Variants in NRG1 observed in about 807,000 individuals in gnomAD.
NRG1 encodes the protein pro-neuregulin-1, membrane-bound isoform.
In NRG1, 18 loss-of-function variants were observed where a neutral mutation model predicts 63.8. The ratio of observed to expected loss-of-function variants is 0.28; its 90% CI spans 0.19 to 0.42. The LOEUF is 0.42. Ranked by LOEUF, NRG1 falls within the 10% of genes least tolerant of loss-of-function variation. NRG1 has a pLI of 1.00. For synonymous variants in NRG1, 302 were observed against 301.3 expected, an observed-to-expected ratio of 1.00 and a Z score of -0.02; for missense variants, 762 against 814.7, an observed-to-expected ratio of 0.94 and a Z score of 0.79.
At chr8:31,815,339 C>T (rs147018848) in intron 1 of NRG1, among the ~76,000 whole-genome samples, 1 of 152,146 alleles carries the variant, frequency 6.6e-6, no homozygotes, top group African/African-American at 2.4e-5. Context: ...CGGTATCATG[C>T]AGTGGTATCT....
At chr8:32,364,719 A>G (rs979777128) in intron 1 of NRG1, among the ~76,000 whole-genome samples, 1 of 152,108 alleles carries the variant, frequency 6.6e-6, no homozygotes, top group Non-Finnish European at 1.5e-5. Context: ...GTCTAAGTCC[A>G]CATTTTAAGT....
At chr8:32,524,601 T>C (rs571568244) in intron 1 of NRG1, among the ~76,000 whole-genome samples, 6 of 152,244 alleles carry the variant, frequency 3.9e-5, no homozygotes, top group African/African-American at 1.4e-4. Context: ...CCTGTTTCAG[T>C]ATCATGGGTC....
At chr8:32,152,547 T>C (rs1837620491) in intron 1 of NRG1, among the ~76,000 whole-genome samples, 3 of 152,214 alleles carry the variant, frequency 2.0e-5, no homozygotes, top group Admixed American at 2.0e-4. Context: ...TACTTTTAAA[T>C]AGTAAATGCC....
At chr8:31,912,142 A>G (rs1055082287) in intron 1 of NRG1, among the ~76,000 whole-genome samples, 2 of 152,208 alleles carry the variant, frequency 1.3e-5, no homozygotes, top group Admixed American at 1.3e-4. Flanking sequence ...TAATATTAGC[A>G]TATTGGGAGT....
chr8:31,660,578 A>T (rs7000831), intron 1 of NRG1, among the ~76,000 whole-genome samples: 22,415 of 152,244 alleles, frequency 0.15, 1,802 homozygotes, highest in Admixed American at 0.21. Flanking sequence ...ATCTTTGGGT[A>T]ACTTCTGTAC....
At chr8:31,950,352 T>C (rs1803272228) in intron 1 of NRG1, among the ~76,000 whole-genome samples, 1 of 152,230 alleles carries the variant, frequency 6.6e-6, no homozygotes. Context: ...CTGTGAAGTC[T>C]TTTGGAGACA....
chr8:31,996,685 A>C (rs1420515738), intron 1 of NRG1, among the ~76,000 whole-genome samples: 1 of 152,022 alleles, frequency 6.6e-6, no homozygotes, highest in Admixed American at 6.6e-5. Flanking sequence ...GTCTTCCAGC[A>C]CCTGAAAGAC....
At chr8:31,771,823 A>G (rs1267898394) in intron 1 of NRG1, among the ~76,000 whole-genome samples, 1 of 152,190 alleles carries the variant, frequency 6.6e-6, no homozygotes, top group African/African-American at 2.4e-5. Flanking sequence ...ACTTTCTTCT[A>G]TACTTGGCTT....
chr8:31,947,023 G>A (rs183666473), intron 1 of NRG1, among the ~76,000 whole-genome samples: 5 of 152,294 alleles, frequency 3.3e-5, no homozygotes, highest in Admixed American at 2.0e-4. Flanking sequence ...GGATATGGCC[G>A]GGCGCGGTGG....
rs201221082 is a variant in NRG1 at position 31,880,836 on chromosome 8, G to C, written c.37+241405G>C. Among the ~76,000 whole-genome samples the C allele has an allele frequency of 3.9e-5, 6 of 152,108 alleles. No individual in the cohort carries two copies. In the East Asian group the frequency reaches 1.2e-3, roughly 29 times the overall value. On this transcript the variant is annotated intron_variant, in intron 1 of 10. Transcript: ENST00000519301. ...ATACAAAATATTTGAATGGCTTAAA[G>C]GAGTATTTGTGTTTGACAGCATAAA...
chr8:32,752,710 A>G (rs1453780288), intron 7 of NRG1, among the ~76,000 whole-genome samples: 1 of 151,796 alleles, frequency 6.6e-6, no homozygotes, highest in Non-Finnish European at 1.5e-5. Context: ...TCTCTCTGTC[A>G]TTCTGTCAGT....
chr8:32,015,406 A>C (rs747772717), intron 1 of NRG1, among the ~76,000 whole-genome samples: 1 of 152,088 alleles, frequency 6.6e-6, no homozygotes, highest in South Asian at 2.1e-4. Context: ...TTGGTCAGAA[A>C]AGTTTTAGTA....
chr8:32,188,549 A>T (rs150433813), intron 1 of NRG1, among the ~76,000 whole-genome samples: 1 of 152,214 alleles, frequency 6.6e-6, no homozygotes, highest in Non-Finnish European at 1.5e-5. Context: ...GCAGATAGGA[A>T]GATCATCCTG....
intron 1 of NRG1, among the ~76,000 whole-genome samples, chr8:32,262,805 G>A (rs956553610): frequency 6.6e-6 from 1 of 152,062 alleles, no homozygotes; most frequent in Non-Finnish European, 1.5e-5. Flanking sequence ...AAAAAGTTAA[G>A]AATATATTAA....
chr8:32,217,138 G>A (rs767530096), intron 1 of NRG1, among the ~76,000 whole-genome samples: 10 of 149,298 alleles, frequency 6.7e-5, no homozygotes, highest in Non-Finnish European at 1.0e-4. Context: ...ACTTGAACCT[G>A]GGAGGCAGAG....
intron 1 of NRG1, among the ~76,000 whole-genome samples, chr8:32,080,601 C>A (rs960925128): frequency 6.6e-6 from 1 of 152,280 alleles, no homozygotes; most frequent in Non-Finnish European, 1.5e-5. Context: ...GAGCTTCCAA[C>A]TTAACCATCT....
chr8:32,655,304 G>A (rs2466051), intron 5 of NRG1, among the ~76,000 whole-genome samples: 134,111 of 152,158 alleles, frequency 0.88, 59,404 homozygotes, highest in Non-Finnish European at 0.93. Flanking sequence ...TAGGAATTAT[G>A]CTAGAAACTC....
At chr8:31,998,311 T>G (rs1812358071) in intron 1 of NRG1, among the ~76,000 whole-genome samples, 2 of 152,026 alleles carry the variant, frequency 1.3e-5, no homozygotes, top group African/African-American at 4.8e-5. Context: ...ACTGAACATT[T>G]TTTATGTTCA....
At chr8:32,155,361 C>T (rs1373587479) in intron 1 of NRG1, among the ~76,000 whole-genome samples, 1 of 152,184 alleles carries the variant, frequency 6.6e-6, no homozygotes, top group Non-Finnish European at 1.5e-5. Flanking sequence ...TTTCTGCTGA[C>T]TCAGAGCGTA....
Sources: allele counts gnomAD v4.1 joint callset (sites outside exome capture counted in the v4.1 genomes callset), GRCh38; gene constraint gnomAD v4.1.1; transcripts MANE v1.5; gene names NCBI Gene and HGNC (gene_info 2026-07-23, HGNC 2026-07-21).